Variants in FOXN3 observed in about 807,000 individuals in gnomAD.
FOXN3 encodes forkhead box protein N3.
A neutral mutation model predicts 38.4 loss-of-function variants in FOXN3; 7 were observed. The ratio of observed to expected loss-of-function variants is 0.18; its 90% confidence interval spans 0.10 to 0.34. The LOEUF (loss-of-function observed/expected upper bound fraction) is 0.34, where lower values mean the gene tolerates loss of function less well. Among genes scored for constraint, FOXN3 ranks in the 10% least tolerant of loss-of-function variants. The probability of loss-of-function intolerance (pLI) is 1.00; values close to 1 mark genes in which losing one functional copy is unlikely to be tolerated. For synonymous variants in FOXN3, 230 were observed against 242.2 expected, an observed-to-expected ratio of 0.95 and a Z score of 0.47; for missense variants, 456 against 613.4, an observed-to-expected ratio of 0.74 and a Z score of 2.71.
In FOXN3 at chr14:89,281,541, T is replaced by C. The variant is rs116202968; in HGVS notation, c.681-527A>G. 6.0e-3 allele frequency among the ~76,000 whole-genome samples: 916 copies of C among 152,314 alleles called. 5 individuals carry two copies. Among genetic ancestry groups the C allele is most frequent in the African/African-American group, 0.021 (863 of 41,560 alleles). On this transcript the variant is annotated intron_variant, in intron 3 of 5. Transcript: ENST00000557258. ...CCTCTTCTCGTTTCGTATCCTGTTT[T>C]CAATTTTTTGGCTTAAAATGTTGCA...
chr14:89,447,152 C>T (rs533013903), intron 1 of FOXN3, among the ~76,000 whole-genome samples: 1 of 151,040 alleles, frequency 6.6e-6, no homozygotes, highest in South Asian at 2.1e-4. Flanking sequence ...GCCGAGATCG[C>T]GCCATTGCAC....
intron 3 of FOXN3, among the ~76,000 whole-genome samples, chr14:89,325,003 C>A (rs1352989883): frequency 2.0e-5 from 3 of 152,142 alleles, no homozygotes; most frequent in Non-Finnish European, 4.4e-5. Flanking sequence ...TAGCCTCTTG[C>A]CACATGGGAT....
intron 4 of FOXN3, among the ~76,000 whole-genome samples, chr14:89,212,426 T>C (rs1884125181): frequency 1.3e-5 from 2 of 152,154 alleles, no homozygotes; most frequent in South Asian, 4.1e-4. Flanking sequence ...GAGGCCCCCT[T>C]TGGCTGTGTG....
chr14:89,479,366 C>G (rs1375075425), intron 1 of FOXN3, among the ~76,000 whole-genome samples: 1 of 152,164 alleles, frequency 6.6e-6, no homozygotes, highest in East Asian at 1.9e-4. Context: ...AACAAAGGAC[C>G]CTGTTGCAAA....
At chr14:89,511,164 T>TC (rs1491580578) in intron 1 of FOXN3, among the ~76,000 whole-genome samples, 5 of 24,104 alleles carry the variant, frequency 2.1e-4, no homozygotes, top group East Asian at 4.1e-4. Flanking sequence ...TTTCTTTCTT[T>TC]CTTTCTTTCT....
At chr14:89,509,531 C>T (rs551507407) in intron 1 of FOXN3, among the ~76,000 whole-genome samples, 3 of 152,246 alleles carry the variant, frequency 2.0e-5, no homozygotes, top group African/African-American at 7.2e-5. Flanking sequence ...AACAGGATTT[C>T]GCCATGTTGG....
intron 1 of FOXN3, among the ~76,000 whole-genome samples, chr14:89,498,612 G>A (rs577044278): frequency 2.0e-5 from 3 of 152,180 alleles, no homozygotes; most frequent in East Asian, 1.9e-4. Context: ...ACCTCCTCCC[G>A]AATTACCCTG....
intron 2 of FOXN3, among the ~76,000 whole-genome samples, chr14:89,382,017 C>T (rs1240673563): frequency 6.6e-6 from 1 of 152,034 alleles, no homozygotes; most frequent in Non-Finnish European, 1.5e-5. Flanking sequence ...ACCCTTTGGC[C>T]CCTTGAGTCC....
chr14:89,352,372 C>T (rs991852734), intron 2 of FOXN3, among the ~76,000 whole-genome samples: 9 of 152,234 alleles, frequency 5.9e-5, no homozygotes, highest in Non-Finnish European at 1.0e-4. Flanking sequence ...GCCCTGGAAG[C>T]TTCATCCCTT....
At chr14:89,611,065 A>G (rs1896377996) in intron 1 of FOXN3, among the ~76,000 whole-genome samples, 2 of 152,180 alleles carry the variant, frequency 1.3e-5, no homozygotes, top group Admixed American at 6.5e-5. Context: ...TACTAGGCAC[A>G]GTGGCATGCC....
rs59821937 is a variant in FOXN3, at chr14:89,565,093, C to CAA, written c.-15+53933_-15+53934dup. ...TGGATGACAGAAGGAGAGCTCGTCT[C>CAA]AAAAAAAAAAAAAAAAAAAAAAAAA... On this transcript the variant is annotated intron_variant, in intron 1 of 6. Coordinates refer to the FOXN3 transcript ENST00000345097. 7.3e-3 allele frequency among the ~76,000 whole-genome samples: 383 copies of CAA among 52,690 alleles called. 4 individuals carry two copies. The highest frequency in any genetic ancestry group is 0.021 in the African/African-American group (296 of 13,832). The allele number at this position is 52,690 out of a possible 152,430, so 34.6% of individuals were successfully genotyped here.
intron 4 of FOXN3, among the ~76,000 whole-genome samples, chr14:89,251,120 G>A (rs1885441322): frequency 6.6e-6 from 1 of 152,216 alleles, no homozygotes. Context: ...CTGGATTTAT[G>A]CTTTGTGTTT....
intron 3 of FOXN3, among the ~76,000 whole-genome samples, chr14:89,317,129 T>C (rs988445111): frequency 6.6e-6 from 1 of 152,060 alleles, no homozygotes; most frequent in Non-Finnish European, 1.5e-5. Context: ...GGGTACCTAA[T>C]GCAAAAAAAC....
At chr14:89,217,369 G>T (rs1356574926) in intron 4 of FOXN3, among the ~76,000 whole-genome samples, 1 of 152,016 alleles carries the variant, frequency 6.6e-6, no homozygotes, top group Non-Finnish European at 1.5e-5. Flanking sequence ...GAACTCCTGG[G>T]CTCAAGCAAT....
intron 2 of FOXN3, among the ~76,000 whole-genome samples, chr14:89,358,562 C>T (rs1300505273): frequency 6.6e-6 from 1 of 152,210 alleles, no homozygotes; most frequent in Non-Finnish European, 1.5e-5. Flanking sequence ...CACTCCCCAC[C>T]CCGGGTCTTA....
chr14:89,185,862 G>C (rs1006325079), intron 4 of FOXN3: 3 of 152,248 alleles, frequency 2.0e-5, no homozygotes, highest in African/African-American at 7.2e-5. Context: ...GAGCCAAACA[G>C]AGCAGCACTG....
At chr14:89,181,749 C>A (rs1361976277) in intron 4 of FOXN3, among the ~76,000 whole-genome samples, 1 of 152,256 alleles carries the variant, frequency 6.6e-6, no homozygotes, top group Non-Finnish European at 1.5e-5. Flanking sequence ...CCTGATGTAA[C>A]CTTTTCTAAC....
At chr14:89,586,929 G>A (rs549125998) in intron 1 of FOXN3, among the ~76,000 whole-genome samples, 14 of 152,370 alleles carry the variant, frequency 9.2e-5, no homozygotes, top group African/African-American at 3.1e-4. Flanking sequence ...AGGTCTCTAT[G>A]AAGAGCTCAC....
intron 4 of FOXN3, 105 bp downstream of exon 4, chr14:89,280,845 T>C: frequency 1.0e-6 from 1 of 961,142 alleles, no homozygotes; most frequent in Non-Finnish European, 1.6e-6. Context: ...AAGCGGCCAC[T>C]CCTAAACGGG....
Sources: allele counts gnomAD v4.1 joint callset (sites outside exome capture counted in the v4.1 genomes callset), GRCh38; gene constraint gnomAD v4.1.1; transcripts MANE v1.5; gene names NCBI Gene and HGNC (gene_info 2026-07-23, HGNC 2026-07-21).